The following PAX5 variants were observed in gnomAD, a reference collection of about 807,000 sequenced individuals.
PAX5 encodes paired box protein Pax-5.
Under a neutral mutation model 43.7 loss-of-function variants are expected in PAX5, and 9 were observed. The ratio of observed to expected loss-of-function variants is 0.21; its 90% CI spans 0.12 to 0.36. The LOEUF is 0.36. Among genes scored for constraint, PAX5 ranks in the 10% least tolerant of loss-of-function variants. The pLI is 1.00. For synonymous variants in PAX5, 228 were observed against 214.3 expected, an observed-to-expected ratio of 1.06 and a Z score of -0.56; for missense variants, 383 against 532.7, an observed-to-expected ratio of 0.72 and a Z score of 2.77.
intron 7 of PAX5, among the ~76,000 whole-genome samples, chr9:36,892,199 C>T (rs1827458897): frequency 6.6e-6 from 1 of 152,222 alleles, no homozygotes; most frequent in Non-Finnish European, 1.5e-5. Flanking sequence ...GGGACTGCTC[C>T]AGAGACAGGA....
At chr9:37,004,547 A>G (rs1838220209) in intron 4 of PAX5, among the ~76,000 whole-genome samples, 1 of 152,256 alleles carries the variant, frequency 6.6e-6, no homozygotes, top group Non-Finnish European at 1.5e-5. Flanking sequence ...AGAGGGAGCC[A>G]TGCCTTTCTT....
intron 1 of PAX5, among the ~76,000 whole-genome samples, chr9:37,027,287 C>G (rs1257494316): frequency 6.6e-6 from 1 of 152,244 alleles, no homozygotes. Flanking sequence ...GTGCAGCCCT[C>G]CAACACTGAG....
intron 6 of PAX5, among the ~76,000 whole-genome samples, chr9:36,940,284 T>C (rs997446774): frequency 1.3e-5 from 2 of 152,204 alleles, no homozygotes; most frequent in Admixed American, 1.3e-4. Flanking sequence ...ACAAAAATTA[T>C]TTAGGCGCAG....
chr9:37,021,383 A>C (rs1300884426), intron 1 of PAX5, among the ~76,000 whole-genome samples: 3 of 152,214 alleles, frequency 2.0e-5, no homozygotes, highest in Non-Finnish European at 2.9e-5. Flanking sequence ...CCTTGTTTAA[A>C]ACCCTCCCTT....
intron 6 of PAX5, among the ~76,000 whole-genome samples, chr9:36,940,888 T>C (rs1223603476): frequency 1.3e-5 from 2 of 151,826 alleles, no homozygotes; most frequent in Non-Finnish European, 2.9e-5. Flanking sequence ...AGAAACGCAA[T>C]GAGAGGAGAA....
chr9:36,950,609 CCT>C (rs1338472871), intron 6 of PAX5, among the ~76,000 whole-genome samples: 2 of 152,208 alleles, frequency 1.3e-5, no homozygotes, highest in African/African-American at 2.4e-5. Context: ...ATGAGAGCTG[CCT>C]CTCTGTAATT....
intron 5 of PAX5, among the ~76,000 whole-genome samples, chr9:36,993,218 T>C (rs1837083919): frequency 6.6e-6 from 1 of 152,242 alleles, no homozygotes; most frequent in Non-Finnish European, 1.5e-5. Flanking sequence ...ATGCCATTCA[T>C]ACTAAATTTT....
chr9:36,978,749 A>G (rs1266879450), intron 5 of PAX5, among the ~76,000 whole-genome samples: 1 of 152,224 alleles, frequency 6.6e-6, no homozygotes, highest in Admixed American at 6.5e-5. Flanking sequence ...GGAGGAAAAA[A>G]AAGATAAATC....
intron 5 of PAX5, among the ~76,000 whole-genome samples, chr9:36,989,091 G>A (rs1468265089): frequency 2.6e-5 from 4 of 152,214 alleles, no homozygotes; most frequent in Non-Finnish European, 5.9e-5. Context: ...GTGTGACAGG[G>A]AAGTGTGCGC....
At chr9:37,021,354 GA>G (rs201155079) in intron 1 of PAX5, among the ~76,000 whole-genome samples, 17 of 150,518 alleles carry the variant, frequency 1.1e-4, no homozygotes, top group South Asian at 2.1e-4. Flanking sequence ...AGAGTACTGA[GA>G]AAAAAAAACA....
chr9:36,956,802 G>T (rs1337216174), intron 6 of PAX5, among the ~76,000 whole-genome samples: 2 of 152,202 alleles, frequency 1.3e-5, no homozygotes, highest in Non-Finnish European at 2.9e-5. Context: ...TTGAGATGAT[G>T]ACAATAGAAT....
chr9:36,920,409 C>T (rs1472017947), intron 7 of PAX5, among the ~76,000 whole-genome samples: 1 of 152,192 alleles, frequency 6.6e-6, no homozygotes, highest in South Asian at 2.1e-4. Context: ...CAGCAACCAC[C>T]GTCCTGATCA....
intron 8 of PAX5, among the ~76,000 whole-genome samples, chr9:36,869,665 T>C (rs1368781472): frequency 6.6e-6 from 1 of 152,214 alleles, no homozygotes; most frequent in Non-Finnish European, 1.5e-5. Context: ...CTGGCCCCCA[T>C]AGCCCCTCAC....
At chr9:36,917,600 A>G (rs1485394336) in intron 7 of PAX5, among the ~76,000 whole-genome samples, 1 of 152,248 alleles carries the variant, frequency 6.6e-6, no homozygotes, top group East Asian at 1.9e-4. Context: ...CCATTTCTGT[A>G]GACAAGATTC....
chr9:37,009,952 C>G (rs1209267888), intron 3 of PAX5, among the ~76,000 whole-genome samples: 1 of 152,176 alleles, frequency 6.6e-6, no homozygotes, highest in Admixed American at 6.5e-5. Context: ...AGGGGGATCT[C>G]AGAGTTATAG....
rs1208617418 is a variant in PAX5, at chr9:37,034,216, C to G, written c.-185G>C. The G allele has an allele frequency of 1.8e-6, 1 of 565,506 alleles. No individual in the cohort carries two copies. The highest frequency in any genetic ancestry group is 2.3e-5 in the South Asian group (1 of 44,004). 35.0% of individuals were successfully genotyped at this position (565,506 alleles called of 1,614,324 possible). The stretch of plus-strand genomic sequence containing the variant: ...AGCTGATCACTGAGCTGAAACTAAA[C>G]GTTTTAGGTGGAAAAAAAGCGTCCG... On this transcript the variant is annotated 5_prime_UTR_variant, in exon 1 of 10. Transcript: ENST00000358127.
At chr9:36,950,364 T>G (rs1466520441) in intron 6 of PAX5, among the ~76,000 whole-genome samples, 1 of 152,176 alleles carries the variant, frequency 6.6e-6, no homozygotes, top group Non-Finnish European at 1.5e-5. Flanking sequence ...TCATCTTTTC[T>G]CCAAAATAGA....
At chr9:36,928,069 T>C (rs531017479) in intron 6 of PAX5, among the ~76,000 whole-genome samples, 16 of 152,348 alleles carry the variant, frequency 1.1e-4, no homozygotes, top group Non-Finnish European at 1.5e-4. Flanking sequence ...CCTCTCTTCT[T>C]TGGTGGGATT....
intron 6 of PAX5, among the ~76,000 whole-genome samples, chr9:36,941,669 GCCT>G (rs1395199433): frequency 6.6e-6 from 1 of 152,088 alleles, no homozygotes; most frequent in African/African-American, 2.4e-5. Context: ...TCCCCCCTTG[GCCT>G]GTACCCACCT....
Sources: gnomAD v4.1 joint callset for allele counts (sites outside exome capture counted in the v4.1 genomes callset) on GRCh38, gnomAD v4.1.1 for gene constraint, MANE v1.5 for transcripts, NCBI Gene and HGNC (gene_info 2026-07-23, HGNC 2026-07-21) for gene names.